Variants in IGSF10 observed in about 807,000 individuals in gnomAD.
IGSF10 encodes immunoglobulin superfamily member 10.
Under a neutral mutation model 128.2 loss-of-function variants are expected in IGSF10, and 126 were observed. That is an observed-to-expected ratio of 0.98 (90% CI 0.85 to 1.14). The LOEUF is 1.14. Among genes scored for constraint, IGSF10 ranks in the 50% most tolerant of loss-of-function variants. IGSF10 has a pLI of 0.00. For missense variants in IGSF10, 3,295 were observed against 3,149.8 expected (o/e 1.05, Z -1.10); for synonymous variants, 1,185 against 1,146.2 (o/e 1.03, Z -0.68).
chr3:151,490,838 G>A, the IGSF10 span, among the ~76,000 whole-genome samples: 1 of 152,058 alleles, frequency 6.6e-6, no homozygotes, highest in Non-Finnish European at 1.5e-5. Context: ...AATGGCAATG[G>A]AAACACAACA....
At chr3:151,498,280 A>T in the IGSF10 span, among the ~76,000 whole-genome samples, 1 of 152,166 alleles carries the variant, frequency 6.6e-6, no homozygotes, top group Non-Finnish European at 1.5e-5. Flanking sequence ...GTTTTTACCC[A>T]TTCAAGTATG....
At chr3:151,567,138 G>A in the IGSF10 span, among the ~76,000 whole-genome samples, 1 of 152,214 alleles carries the variant, frequency 6.6e-6, no homozygotes, top group Non-Finnish European at 1.5e-5. Context: ...TCTGTGGACA[G>A]TAGCCAATGA....
At chr3:151,432,945 A>G (rs1719700243), downstream of IGSF10, 1 of 600,790 alleles carries the variant, frequency 1.7e-6, no homozygotes, top group Admixed American at 3.5e-5. Flanking sequence ...ATCTCACAAA[A>G]AAAAAAAAAG....
the IGSF10 span, among the ~76,000 whole-genome samples, chr3:151,576,917 T>G: frequency 6.8e-6 from 1 of 147,620 alleles, no homozygotes; most frequent in Non-Finnish European, 1.5e-5. Flanking sequence ...TACCAGCCCT[T>G]GGGGCTGCTC....
At chr3:151,488,087 C>G in the IGSF10 span, among the ~76,000 whole-genome samples, 1 of 152,070 alleles carries the variant, frequency 6.6e-6, no homozygotes, top group Non-Finnish European at 1.5e-5. Flanking sequence ...ACCCCATCAT[C>G]ACAGCCCAAA....
the IGSF10 span, among the ~76,000 whole-genome samples, chr3:151,529,416 C>T: frequency 6.6e-6 from 1 of 152,208 alleles, no homozygotes; most frequent in South Asian, 2.1e-4. Flanking sequence ...GACTGGGAGA[C>T]ACCTCCCATT....
chr3:151,500,519 G>A, the IGSF10 span, among the ~76,000 whole-genome samples: 9 of 152,048 alleles, frequency 5.9e-5, no homozygotes, highest in Admixed American at 2.6e-4. Flanking sequence ...ATAATAGAAC[G>A]GGGAATAGTA....
At chr3:151,572,123 G>A in the IGSF10 span, among the ~76,000 whole-genome samples, 7 of 152,034 alleles carry the variant, frequency 4.6e-5, no homozygotes, top group African/African-American at 9.7e-5. Flanking sequence ...TCGGTTTGCC[G>A]GTATTTTATT....
chr3:151,556,999 A>C, the IGSF10 span, among the ~76,000 whole-genome samples: 2 of 152,140 alleles, frequency 1.3e-5, no homozygotes, highest in African/African-American at 4.8e-5. Context: ...TCAATGTATG[A>C]ATGAAGGAGA....
chr3:151,617,119 A>C, the IGSF10 span, among the ~76,000 whole-genome samples: 1 of 151,894 alleles, frequency 6.6e-6, no homozygotes, highest in African/African-American at 2.4e-5. Context: ...GGGACTTGAT[A>C]CTACTTTCTT....
In IGSF10 at chr3:151,453,918, T is replaced by C. The variant is rs927772994; in HGVS notation, c.325-144A>G. The stretch of plus-strand genomic sequence containing the variant: ...TAGGATCCCAATTCAATCAAATTCA[T>C]TGCAAATTAAATATGACAATATCAG... On this transcript the variant is annotated intron_variant, in intron 4 of 7. Transcript: ENST00000282466. The C allele has an allele frequency of 9.5e-5, 50 of 528,134 alleles. No homozygotes were observed. In the East Asian group the frequency reaches 1.4e-3, roughly 15 times the overall value. 32.7% of individuals were successfully genotyped at this position (528,134 alleles called of 1,614,324 possible). A position where few individuals can be genotyped will look rare whatever the true frequency, so the allele number is the denominator to read the frequency against.
chr3:151,617,332 T>TCCC, the IGSF10 span, among the ~76,000 whole-genome samples: 1 of 136,328 alleles, frequency 7.3e-6, no homozygotes, highest in Non-Finnish European at 1.6e-5. Context: ...CTCCTCCTCC[T>TCCC]CCCCCTCCTC....
the IGSF10 span, among the ~76,000 whole-genome samples, chr3:151,501,494 T>C: frequency 6.6e-6 from 1 of 152,090 alleles, no homozygotes; most frequent in Non-Finnish European, 1.5e-5. Context: ...ATTATTATCA[T>C]TCAAGGATCT....
In IGSF10 at chr3:151,437,100, G is replaced by A. The variant is rs1477886834; in HGVS notation, c.7461C>T (p.Asp2487=). ...PQINGKYILH[D]NGTLVIKEAT... is the part of the protein sequence containing the mutation. ...CTTCTTTAATGACTAAGGTGCCATT[G>A]TCATGCAATATGTATTTCCCATTAA... The change falls in exon 8 of 8, where the codon GAC becomes GAT. Residue 2487 remains aspartate (D), a synonymous_variant. Coordinates refer to ENST00000282466, the MANE Select transcript of IGSF10 (RefSeq NM_178822.5). 9 of 1,614,022 alleles carry A rather than the reference G, an allele frequency of 5.6e-6. No individual in the cohort carries two copies. Among genetic ancestry groups the A allele is most frequent in the East Asian group, 2.2e-5 (1 of 44,894 alleles).
At chr3:151,582,091 C>A in the IGSF10 span, among the ~76,000 whole-genome samples, 5 of 151,662 alleles carry the variant, frequency 3.3e-5, no homozygotes, top group Non-Finnish European at 5.9e-5. Flanking sequence ...CAAAAATATA[C>A]CATTATTTAC....
the IGSF10 span, among the ~76,000 whole-genome samples, chr3:151,603,516 C>A: frequency 3.2e-4 from 48 of 152,328 alleles, no homozygotes; most frequent in African/African-American, 1.1e-3. Context: ...AACTTTCTCC[C>A]TTTATCACCA....
chr3:151,517,481 A>G, the IGSF10 span, among the ~76,000 whole-genome samples: 15 of 151,988 alleles, frequency 9.9e-5, no homozygotes, highest in Non-Finnish European at 2.1e-4. Context: ...AAAAGTTTTA[A>G]ATCTTTGCAT....
At chr3:151,443,958 T>G (rs1721030016) in intron 6 of IGSF10, 74 bp from the exon 7 acceptor site, 4 of 1,214,798 alleles carry the variant, frequency 3.3e-6, no homozygotes, top group East Asian at 4.9e-5. Context: ...TATCGTTTTT[T>G]GGGCTACTAA....
intron 4 of IGSF10, among the ~76,000 whole-genome samples, chr3:151,455,041 T>G (rs903476505): frequency 2.0e-5 from 3 of 152,176 alleles, no homozygotes; most frequent in African/African-American, 7.2e-5. Context: ...TTTATTGGTT[T>G]TTAGTATATT....
Sources: allele counts gnomAD v4.1 joint callset (sites outside exome capture counted in the v4.1 genomes callset), GRCh38; gene constraint gnomAD v4.1.1; transcripts MANE v1.5; gene names NCBI Gene and HGNC (gene_info 2026-07-23, HGNC 2026-07-21).